The following CDYL2 variants were observed in gnomAD, a reference collection of about 807,000 sequenced individuals.
CDYL2 encodes chromodomain Y like 2.
A neutral mutation model predicts 49.4 loss-of-function variants in CDYL2; 23 were observed. That is an observed-to-expected ratio of 0.47 (90% CI 0.34 to 0.66). The LOEUF is 0.66. Ranked by LOEUF, CDYL2 falls within the 30% of genes least tolerant of loss-of-function variation. The pLI, the probability that CDYL2 is intolerant of heterozygous loss-of-function variation, is 0.01. For missense variants in CDYL2, 678 were observed against 656.4 expected, an observed-to-expected ratio of 1.03 and a Z score of -0.36; for synonymous variants, 360 against 268.8, an observed-to-expected ratio of 1.34 and a Z score of -3.32.
intron 1 of CDYL2, chr16:80,735,016 A>G (rs1046062623): frequency 6.6e-6 from 1 of 152,186 alleles, no homozygotes; most frequent in African/African-American, 2.4e-5. Context: ...GCCCTGCGTC[A>G]AATCATCACA....
intron 1 of CDYL2, among the ~76,000 whole-genome samples, chr16:80,742,515 C>T (rs531641685): frequency 2.1e-5 from 3 of 140,468 alleles, no homozygotes; most frequent in South Asian, 2.3e-4. Context: ...GATACACTAA[C>T]GAATGAATAG....
chr16:80,750,300 C>T (rs1375011299), intron 1 of CDYL2, among the ~76,000 whole-genome samples: 1 of 149,524 alleles, frequency 6.7e-6, no homozygotes, highest in African/African-American at 2.5e-5. Flanking sequence ...AAAAACACAC[C>T]CACAAATATC....
Position 80,600,873 on chromosome 16 carries a change from T to C in CDYL2, c.*3515A>G, listed in dbSNP as rs1458143016. 6.6e-6 allele frequency: 1 copy of C among 152,212 alleles called. No individual in the cohort carries two copies. The highest frequency in any genetic ancestry group is 1.5e-5 in the Non-Finnish European group (1 of 68,030). The allele number at this position is 152,212 out of a possible 1,614,324, so 9.4% of individuals were successfully genotyped here. ...TGAAGGCTATTTTTAAATGTGGATA[T>C]TCAGAGATACAGTTGCATTGTTCAA... On this transcript the variant is annotated 3_prime_UTR_variant, in exon 7 of 7. Coordinates refer to ENST00000570137, the MANE Select transcript of CDYL2 (RefSeq NM_152342.4).
chr16:80,717,164 T>A (rs1040433232), intron 1 of CDYL2, among the ~76,000 whole-genome samples: 26 of 147,842 alleles, frequency 1.8e-4, no homozygotes, highest in African/African-American at 5.6e-4. Flanking sequence ...GATGGATGGA[T>A]GGATGGATGG....
intron 2 of CDYL2, among the ~76,000 whole-genome samples, chr16:80,656,366 C>G (rs1426295349): frequency 6.6e-6 from 1 of 152,218 alleles, no homozygotes; most frequent in Non-Finnish European, 1.5e-5. Flanking sequence ...CTCTGCTGAG[C>G]CCAAAAGCCA....
intron 2 of CDYL2, among the ~76,000 whole-genome samples, chr16:80,655,229 G>C (rs8048112): frequency 0.45 from 68,379 of 152,064 alleles, 16,518 homozygotes; most frequent in African/African-American, 0.61. Flanking sequence ...TGAGTACCTT[G>C]CTGGAAGTCA....
At chr16:80,668,080 G>T (rs573292098) in intron 2 of CDYL2, among the ~76,000 whole-genome samples, 1 of 152,216 alleles carries the variant, frequency 6.6e-6, no homozygotes, top group African/African-American at 2.4e-5. Flanking sequence ...CCCTAGCCAG[G>T]TTTGGCAGGA....
At chr16:80,630,237 G>A (rs1907498663) in intron 3 of CDYL2, among the ~76,000 whole-genome samples, 1 of 152,160 alleles carries the variant, frequency 6.6e-6, no homozygotes, top group Non-Finnish European at 1.5e-5. Flanking sequence ...GTAACCAACT[G>A]ACACTGATTA....
At chr16:80,792,007 T>C (rs573300554) in intron 1 of CDYL2, among the ~76,000 whole-genome samples, 12 of 152,298 alleles carry the variant, frequency 7.9e-5, no homozygotes, top group Non-Finnish European at 1.2e-4. Flanking sequence ...TCAAGAAATA[T>C]GCAGGATGCT....
intron 1 of CDYL2, among the ~76,000 whole-genome samples, chr16:80,739,475 G>A (rs1256725361): frequency 6.6e-6 from 1 of 152,160 alleles, no homozygotes; most frequent in Non-Finnish European, 1.5e-5. Flanking sequence ...GCTAAAGAAA[G>A]AAATGTCAGT....
In CDYL2 at chr16:80,633,176, G is replaced by A. The variant is rs763202229; in HGVS notation, c.677C>T (p.Ala226Val). Residue 226 changes from alanine (A) to valine (V), a missense_variant, in exon 3 of 7, where the codon GCG becomes GTG. Physicochemically the swap from Ala to Val is moderately conservative, Grantham distance 64. Transcript: ENST00000570137. Reference protein sequence around the residue: ...LHSPVKRKLEAEKDYVFDKRL... With the variant: ...LHSPVKRKLEVEKDYVFDKRL... ...TTTGTCAAAGACGTAGTCCTTCTCC[G>A]CTTCCAGCTTCCTCTTCACTGGACT... The A allele has an allele frequency of 1.5e-5, 25 of 1,614,018 alleles. No homozygotes were observed. The highest frequency in any genetic ancestry group is 1.6e-4 in the Middle Eastern group (1 of 6,082).
intron 1 of CDYL2, among the ~76,000 whole-genome samples, chr16:80,704,602 C>G (rs1204466351): frequency 6.6e-6 from 1 of 152,216 alleles, no homozygotes; most frequent in Non-Finnish European, 1.5e-5. Context: ...CTGGTCTTGG[C>G]AGTCAGGGAA....
chr16:80,602,901 T>G lies in CDYL2; in HGVS notation c.*1487A>C, dbSNP rs904520307. 8.7e-6 allele frequency: 1 copy of G among 115,014 alleles called. No homozygotes were observed. 7.1% of individuals were successfully genotyped at this position (115,014 alleles called of 1,614,324 possible). The stretch of plus-strand genomic sequence containing the variant: ...CCCTTCCATTTGTCTGCTCTCAACT[T>G]CAGGTTTTCCTGAACTTTCTCCTCA... On this transcript the variant is annotated 3_prime_UTR_variant, in exon 7 of 7. Transcript: ENST00000570137.
chr16:80,620,647 T>TA (rs1432712398), intron 4 of CDYL2, 116 bp downstream of exon 4: 2 of 987,806 alleles, frequency 2.0e-6, no homozygotes, highest in Non-Finnish European at 2.9e-6. Flanking sequence ...AGGATATACT[T>TA]ATGCTAAAAA....
chr16:80,778,143 C>T (rs1193216171), intron 1 of CDYL2, among the ~76,000 whole-genome samples: 1 of 151,894 alleles, frequency 6.6e-6, no homozygotes, highest in East Asian at 1.9e-4. Context: ...AAACAGTAAA[C>T]TAGCTGTAGA....
Position 80,604,356 on chromosome 16 carries a change from C to A in CDYL2, c.*32G>T, listed in dbSNP as rs752282361. 13 of 1,613,100 alleles carry A rather than the reference C, an allele frequency of 8.1e-6. No homozygotes were observed. The South Asian group carries it at 1.3e-4, about 16-fold the overall frequency. On this transcript the variant is annotated 3_prime_UTR_variant, in exon 7 of 7. Coordinates refer to ENST00000570137, the MANE Select transcript of CDYL2 (RefSeq NM_152342.4). ...CTGGTTTCCGAAACACAGGGCAGAGCTGGAAGTTGGGGGCCCGTGAGCTGG... is the reference window on the plus strand; with the variant it reads ...CTGGTTTCCGAAACACAGGGCAGAGATGGAAGTTGGGGGCCCGTGAGCTGG...
At chr16:80,631,888 A>G (rs1567548131) in intron 3 of CDYL2, among the ~76,000 whole-genome samples, 1 of 152,352 alleles carries the variant, frequency 6.6e-6, no homozygotes, top group East Asian at 1.9e-4. Context: ...GACAGACGTA[A>G]CAAGTGTTAT....
At chr16:80,728,396 A>G (rs944515576) in intron 1 of CDYL2, among the ~76,000 whole-genome samples, 23 of 152,178 alleles carry the variant, frequency 1.5e-4, no homozygotes, top group Non-Finnish European at 2.9e-4. Flanking sequence ...AAGTTTAGAG[A>G]AAAAAGAATA....
chr16:80,716,669 T>C (rs898858678), intron 1 of CDYL2, among the ~76,000 whole-genome samples: 2 of 148,834 alleles, frequency 1.3e-5, no homozygotes, highest in South Asian at 2.1e-4. Context: ...GATGAATAGA[T>C]GATTGGATGG....
Sources: allele counts gnomAD v4.1 joint callset (sites outside exome capture counted in the v4.1 genomes callset), GRCh38; gene constraint gnomAD v4.1.1; transcripts MANE v1.5; gene names NCBI Gene and HGNC (gene_info 2026-07-23, HGNC 2026-07-21).